BIRC6: variants seen among roughly 807,000 people sequenced by gnomAD.
BIRC6 encodes baculoviral IAP repeat containing 6.
In BIRC6, 98 loss-of-function variants were observed where a neutral mutation model predicts 503.3. That is an observed-to-expected ratio of 0.19 (90% CI 0.17 to 0.23). BIRC6 has a LOEUF of 0.23. Ranked by LOEUF, BIRC6 falls within the 10% of genes least tolerant of loss-of-function variation. The pLI, the probability that BIRC6 is intolerant of heterozygous loss-of-function variation, is 1.00. For missense variants in BIRC6, 5,360 were observed against 5,806.0 expected (o/e 0.92, Z 2.50); for synonymous variants, 2,240 against 2,078.7 (o/e 1.08, Z -2.11).
At chr2:32,476,450 A>AT in intron 34 of BIRC6, 106 bp downstream of exon 34, 1 of 1,254,224 alleles carries the variant, frequency 8.0e-7, no homozygotes, top group Non-Finnish European at 1.1e-6. Flanking sequence ...TTAACAGAGA[A>AT]GCCAACCTAC....
intron 66 of BIRC6, among the ~76,000 whole-genome samples, chr2:32,588,112 C>T (rs2061175087): frequency 6.6e-6 from 1 of 152,158 alleles, no homozygotes; most frequent in Non-Finnish European, 1.5e-5. Flanking sequence ...GTAATCCCAG[C>T]ACTTTGGGAG....
rs2049902275 is a variant in BIRC6, at chr2:32,477,524, C to T, written c.7009C>T (p.Leu2337=). 2 of 1,613,740 alleles carry T rather than the reference C, an allele frequency of 1.2e-6. No homozygotes were observed. Among genetic ancestry groups the T allele is most frequent in the African/African-American group, 1.3e-5 (1 of 74,884 alleles). The change falls in exon 35 of 74, where the codon CTG becomes TTG. Residue 2337 remains leucine, a synonymous_variant. Coordinates refer to ENST00000421745, the MANE Select transcript of BIRC6 (RefSeq NM_016252.4). ...RCISVVQKLV[L]FLLSMDFTCH... is the part of the protein sequence containing the mutation. The stretch of plus-strand genomic sequence containing the variant: ...TATCTCAGTAGTCCAGAAACTTGTT[C>T]TGTTTCTTCTCTCCATGGACTTTAC...
intron 1 of BIRC6, among the ~76,000 whole-genome samples, chr2:32,372,057 G>A (rs1334289660): frequency 6.6e-6 from 1 of 152,084 alleles, no homozygotes; most frequent in Non-Finnish European, 1.5e-5. Context: ...CGCCCGCCTC[G>A]GCCTCTTGAA....
intron 65 of BIRC6, among the ~76,000 whole-genome samples, chr2:32,570,783 G>A (rs904293554): frequency 1.3e-5 from 2 of 152,062 alleles, no homozygotes; most frequent in Non-Finnish European, 2.9e-5. Context: ...ACAGGTGTGA[G>A]CCATCACGCT....
intron 4 of BIRC6, among the ~76,000 whole-genome samples, chr2:32,390,273 C>T (rs888095752): frequency 1.3e-5 from 2 of 152,092 alleles, no homozygotes; most frequent in African/African-American, 4.8e-5. Flanking sequence ...CATGTTCATG[C>T]CATTCTCCTG....
chr2:32,375,274 T>A (rs908458486), intron 1 of BIRC6, among the ~76,000 whole-genome samples: 5 of 152,184 alleles, frequency 3.3e-5, no homozygotes, highest in Admixed American at 6.6e-5. Flanking sequence ...AGTGACTAGA[T>A]CTTTTAGTAT....
At position 32,531,470 on chromosome 2, in the gene BIRC6, A is replaced by G. The variant is rs1572846778; in HGVS notation, c.12210A>G (p.Pro4070=). The stretch of plus-strand genomic sequence containing the variant: ...TTGAAACCTGTCCAATTCAGTCACC[A>G]TTACAAGTTTTTGCAGGAATGGGTG... The part of the protein sequence containing the change: ...SLLETCPIQS[P]LQVFAGMGGL... Residue 4070 remains proline (P), a synonymous_variant, in exon 61 of 74, where the codon CCA becomes CCG. Transcript: ENST00000421745. The G allele has an allele frequency of 1.9e-6, 3 of 1,613,864 alleles. No individual in the cohort carries two copies. The highest frequency in any genetic ancestry group is 1.1e-5 in the South Asian group (1 of 91,044).
At chr2:32,457,236 G>A (rs181951486) in intron 23 of BIRC6, among the ~76,000 whole-genome samples, 1 of 152,298 alleles carries the variant, frequency 6.6e-6, no homozygotes, top group Non-Finnish European at 1.5e-5. Flanking sequence ...TAAGTGGCAT[G>A]TAGTTGCATT....
In BIRC6 at chr2:32,436,287, C is replaced by T. The variant is rs796393376; in HGVS notation, c.3631+103C>T. The T allele has an allele frequency of 9.2e-6, 10 of 1,084,564 alleles. No individual in the cohort carries two copies. In the African/African-American group the frequency reaches 1.6e-4, roughly 18 times the overall value. The allele number at this position is 1,084,564 out of a possible 1,614,324, so 67.2% of individuals were successfully genotyped here. Reference sequence around the variant, plus strand: ...AAAAATAAGATTGTTTTCTTTGGGACTTTCGTTCGAAATTTCATCAGTTTT... The same window carrying T: ...AAAAATAAGATTGTTTTCTTTGGGATTTTCGTTCGAAATTTCATCAGTTTT... On this transcript the variant is annotated intron_variant, in intron 15 of 73. Transcript: ENST00000421745.
At chr2:32,446,750 T>G (rs1462602299) in intron 21 of BIRC6, among the ~76,000 whole-genome samples, 10 of 132,336 alleles carry the variant, frequency 7.6e-5, no homozygotes, top group Non-Finnish European at 1.3e-4. Flanking sequence ...TTTTTTTTTT[T>G]TTTTTTTTTT....
intron 71 of BIRC6, among the ~76,000 whole-genome samples, chr2:32,606,178 G>A (rs1218519845): frequency 6.6e-6 from 1 of 152,116 alleles, no homozygotes; most frequent in African/African-American, 2.4e-5. Flanking sequence ...ACATTAACTG[G>A]AAGTACTGTA....
At chr2:32,422,760 C>T (rs534379279) in intron 10 of BIRC6, among the ~76,000 whole-genome samples, 1 of 152,036 alleles carries the variant, frequency 6.6e-6, no homozygotes, top group Non-Finnish European at 1.5e-5. Context: ...TTAAGATTAC[C>T]CATTTTGTTG....
At chr2:32,574,160 C>CTTTT in intron 65 of BIRC6, among the ~76,000 whole-genome samples, 1 of 124,678 alleles carries the variant, frequency 8.0e-6, no homozygotes, top group East Asian at 2.3e-4. Context: ...ATAACTTTTT[C>CTTTT]TTTTTTTTTT....
intron 71 of BIRC6, 51 bp downstream of exon 71, chr2:32,603,134 G>C: frequency 6.8e-7 from 1 of 1,473,714 alleles, no homozygotes; most frequent in Non-Finnish European, 9.2e-7. Flanking sequence ...GAACTGTGTA[G>C]TATTTTAAAA....
At chr2:32,460,877 G>C (rs1332432020) in intron 23 of BIRC6, among the ~76,000 whole-genome samples, 2 of 151,986 alleles carry the variant, frequency 1.3e-5, no homozygotes, top group South Asian at 4.2e-4. Context: ...AAGTCTAACA[G>C]TTTCCCCTTG....
chr2:32,395,007 C>A (rs537589373), intron 5 of BIRC6, among the ~76,000 whole-genome samples: 2 of 152,142 alleles, frequency 1.3e-5, no homozygotes, highest in Non-Finnish European at 2.9e-5. Flanking sequence ...AAAAAATTAG[C>A]TGGGCGTGGT....
At chr2:32,377,884 AAC>A in intron 2 of BIRC6, 115 bp downstream of exon 2, 1 of 857,664 alleles carries the variant, frequency 1.2e-6, no homozygotes, top group Non-Finnish European at 1.7e-6. Flanking sequence ...TTGCTATAAA[AAC>A]AATTTACTTA....
intron 65 of BIRC6, among the ~76,000 whole-genome samples, chr2:32,567,074 G>A (rs1172887525): frequency 6.6e-6 from 1 of 152,130 alleles, no homozygotes; most frequent in East Asian, 1.9e-4. Context: ...GGGTTCAAGC[G>A]ATTCACCTGC....
intron 15 of BIRC6, 79 bp from the exon 16 acceptor site, chr2:32,439,429 A>G: frequency 7.3e-7 from 1 of 1,364,294 alleles, no homozygotes; most frequent in South Asian, 1.4e-5. Context: ...TTAGTTGTTG[A>G]TCTTGTTCTA....
Sources: allele counts gnomAD v4.1 joint callset (sites outside exome capture counted in the v4.1 genomes callset), GRCh38; gene constraint gnomAD v4.1.1; transcripts MANE v1.5; gene names NCBI Gene and HGNC (gene_info 2026-07-23, HGNC 2026-07-21).